RBFOX1: variants seen among roughly 807,000 people sequenced by gnomAD.
RBFOX1 encodes RNA binding protein fox-1 homolog 1.
In RBFOX1, 8 loss-of-function variants were observed where a neutral mutation model predicts 57.7. The ratio of observed to expected loss-of-function variants is 0.14; its 90% confidence interval spans 0.08 to 0.25. The LOEUF is 0.25. Ranked by LOEUF, RBFOX1 falls within the 10% of genes least tolerant of loss-of-function variation. The pLI, the probability that RBFOX1 is intolerant of heterozygous loss-of-function variation, is 1.00. For missense variants in RBFOX1, 611 were observed against 548.5 expected (o/e 1.11, Z -1.14); for synonymous variants, 326 against 222.4 (o/e 1.47, Z -4.15).
At chr16:5,701,720 C>G (rs927024292) in intron 3 of RBFOX1, among the ~76,000 whole-genome samples, 1 of 152,186 alleles carries the variant, frequency 6.6e-6, no homozygotes, top group African/African-American at 2.4e-5. Context: ...AGGTGTGAGC[C>G]ACCACATCTG....
chr16:6,779,965 A>ATATATT (rs2080296438), intron 3 of RBFOX1, among the ~76,000 whole-genome samples: 3 of 40,820 alleles, frequency 7.3e-5, no homozygotes, highest in Non-Finnish European at 1.2e-4. Context: ...TTATATATTT[A>ATATATT]TATATATTTA....
At chr16:6,587,808 G>C (rs1053666853) in intron 2 of RBFOX1, among the ~76,000 whole-genome samples, 2 of 152,164 alleles carry the variant, frequency 1.3e-5, no homozygotes, top group Non-Finnish European at 2.9e-5. Context: ...TTTCACCAAT[G>C]ATTAACATTT....
chr16:7,106,315 A>G (rs1255026359), intron 4 of RBFOX1, among the ~76,000 whole-genome samples: 2 of 152,220 alleles, frequency 1.3e-5, no homozygotes, highest in Admixed American at 6.5e-5. Flanking sequence ...TCCTGGTCAG[A>G]GAATGTACAG....
At chr16:5,983,093 T>A (rs965826644) in intron 4 of RBFOX1, among the ~76,000 whole-genome samples, 1 of 152,170 alleles carries the variant, frequency 6.6e-6, no homozygotes, top group Admixed American at 6.5e-5. Flanking sequence ...GCGACTTCAC[T>A]TCTCACCTGC....
At chr16:7,049,243 G>A (rs1278597371) in intron 3 of RBFOX1, among the ~76,000 whole-genome samples, 1 of 152,120 alleles carries the variant, frequency 6.6e-6, no homozygotes, top group East Asian at 1.9e-4. Flanking sequence ...CTTCTCATCT[G>A]AGTCTGCATT....
At chr16:6,601,126 T>C (rs992336808) in intron 2 of RBFOX1, among the ~76,000 whole-genome samples, 6 of 152,206 alleles carry the variant, frequency 3.9e-5, no homozygotes, top group African/African-American at 1.2e-4. Context: ...TTTAGCCTAG[T>C]TGTAAAGCCT....
intron 1 of RBFOX1, among the ~76,000 whole-genome samples, chr16:5,452,070 C>T (rs2068441619): frequency 6.6e-6 from 1 of 152,012 alleles, no homozygotes; most frequent in Non-Finnish European, 1.5e-5. Flanking sequence ...TGGGCCCAAG[C>T]CCCCAAGTCT....
chr16:6,580,730 AG>A (rs1289939129), intron 2 of RBFOX1, among the ~76,000 whole-genome samples: 8 of 152,272 alleles, frequency 5.3e-5, no homozygotes, highest in African/African-American at 1.9e-4. Flanking sequence ...AGACCAGCTG[AG>A]GCTCAGAGAA....
intron 4 of RBFOX1, among the ~76,000 whole-genome samples, chr16:7,302,073 A>C (rs1338594530): frequency 6.6e-6 from 1 of 152,188 alleles, no homozygotes; most frequent in African/African-American, 2.4e-5. Context: ...AAAGCAGTAC[A>C]GAATAGCAGC....
chr16:7,474,414 A>G (rs1455787901), intron 4 of RBFOX1, among the ~76,000 whole-genome samples: 4 of 152,180 alleles, frequency 2.6e-5, no homozygotes, highest in Non-Finnish European at 4.4e-5. Context: ...TGTGAAGGTC[A>G]TGTATTCATG....
chr16:7,304,107 G>A (rs759979291), intron 4 of RBFOX1: 21 of 686,050 alleles, frequency 3.1e-5, no homozygotes, highest in Non-Finnish European at 3.8e-5. Context: ...GCAGAGGAAC[G>A]CCGGGATCTA....
intron 3 of RBFOX1, among the ~76,000 whole-genome samples, chr16:5,662,960 C>G (rs570130208): frequency 6.6e-6 from 1 of 152,182 alleles, no homozygotes; most frequent in Admixed American, 6.5e-5. Flanking sequence ...TGCATGTTAT[C>G]TATGATTATC....
chr16:7,431,345 G>C (rs753532767), intron 4 of RBFOX1: 2 of 152,138 alleles, frequency 1.3e-5, no homozygotes, highest in South Asian at 2.1e-4. Flanking sequence ...TCCTGCCTCA[G>C]CCTCCTAAGT....
intron 4 of RBFOX1, among the ~76,000 whole-genome samples, chr16:7,237,600 A>G (rs1286754854): frequency 4.6e-5 from 7 of 152,226 alleles, no homozygotes; most frequent in East Asian, 1.9e-4. Flanking sequence ...CTCTTTCAGT[A>G]TAGGTGACTT....
At chr16:7,023,564 T>TA (rs34056673) in intron 3 of RBFOX1, among the ~76,000 whole-genome samples, 2,452 of 43,860 alleles carry the variant, frequency 0.056, 152 homozygotes, top group Middle Eastern at 0.095. Flanking sequence ...TCGTCTGTAC[T>TA]AAAAAAAAAA....
intron 3 of RBFOX1, among the ~76,000 whole-genome samples, chr16:5,761,858 A>T (rs2053606267): frequency 6.6e-6 from 1 of 152,094 alleles, no homozygotes; most frequent in African/African-American, 2.4e-5. Flanking sequence ...TCCCCACTGG[A>T]GGGGCCAATC....
intron 3 of RBFOX1, among the ~76,000 whole-genome samples, chr16:6,943,506 A>G (rs1440461681): frequency 1.3e-5 from 2 of 152,136 alleles, no homozygotes; most frequent in African/African-American, 2.4e-5. Flanking sequence ...CAGGAGATTG[A>G]GACCATCCTG....
At chr16:7,470,617 T>C (rs2061390493) in intron 4 of RBFOX1, among the ~76,000 whole-genome samples, 1 of 151,948 alleles carries the variant, frequency 6.6e-6, no homozygotes, top group African/African-American at 2.4e-5. Flanking sequence ...GATGGTTGGA[T>C]GGTTAGGTGG....
chr16:6,929,888 C>T (rs1414595721), intron 3 of RBFOX1, among the ~76,000 whole-genome samples: 1 of 152,054 alleles, frequency 6.6e-6, no homozygotes, highest in Non-Finnish European at 1.5e-5. Context: ...TGCTTTAGCC[C>T]TTATGGAGGA....
Sources: allele counts gnomAD v4.1 joint callset (sites outside exome capture counted in the v4.1 genomes callset), GRCh38; gene constraint gnomAD v4.1.1; transcripts MANE v1.5; gene names NCBI Gene and HGNC (gene_info 2026-07-23, HGNC 2026-07-21).